The following HDAC9 variants were observed in gnomAD, a reference collection of about 807,000 sequenced individuals.
The protein encoded by HDAC9 is histone deacetylase 9.
HDAC9 carries 41 observed loss-of-function variants against 139.4 expected under a neutral mutation model. The ratio of observed to expected loss-of-function variants is 0.29; its 90% confidence interval spans 0.23 to 0.38. HDAC9 has a LOEUF of 0.38. Among genes scored for constraint, HDAC9 ranks in the 10% least tolerant of loss-of-function variants. The pLI is 1.00. For synonymous variants in HDAC9, 517 were observed against 476.2 expected, an observed-to-expected ratio of 1.09 and a Z score of -1.12; for missense variants, 1,147 against 1,297.0, an observed-to-expected ratio of 0.88 and a Z score of 1.78.
chr7:18,776,309 T>A (rs761187660), intron 16 of HDAC9, among the ~76,000 whole-genome samples: 2 of 151,994 alleles, frequency 1.3e-5, no homozygotes, highest in Non-Finnish European at 2.9e-5. Context: ...TAATAGCAAA[T>A]GTGGAAGAAG....
At chr7:18,964,139 A>T (rs1252011179) in intron 24 of HDAC9, among the ~76,000 whole-genome samples, 2 of 152,170 alleles carry the variant, frequency 1.3e-5, no homozygotes, top group Non-Finnish European at 2.9e-5. Context: ...ACTTACAATT[A>T]CCAAACCTAA....
At chr7:18,670,437 T>C (rs1168596149) in intron 12 of HDAC9, among the ~76,000 whole-genome samples, 1 of 152,096 alleles carries the variant, frequency 6.6e-6, no homozygotes, top group East Asian at 1.9e-4. Flanking sequence ...CTATAAACTG[T>C]GTTTAGGCAA....
intron 24 of HDAC9, among the ~76,000 whole-genome samples, chr7:18,961,729 T>A (rs1783540746): frequency 6.6e-6 from 1 of 152,160 alleles, no homozygotes; most frequent in African/African-American, 2.4e-5. Flanking sequence ...CCCTGTAAAG[T>A]AGTTACTATT....
At chr7:18,878,121 C>T (rs1799458079) in intron 22 of HDAC9, among the ~76,000 whole-genome samples, 1 of 152,154 alleles carries the variant, frequency 6.6e-6, no homozygotes, top group Non-Finnish European at 1.5e-5. Context: ...CAACTAAGTG[C>T]TGTATTCAAA....
At chr7:18,699,560 A>T (rs1168656140) in intron 12 of HDAC9, among the ~76,000 whole-genome samples, 1 of 152,220 alleles carries the variant, frequency 6.6e-6, no homozygotes, top group South Asian at 2.1e-4. Context: ...TGTATATCAT[A>T]CAATTCCATC....
At chr7:18,922,658 T>A (rs1308526975) in intron 22 of HDAC9, among the ~76,000 whole-genome samples, 1 of 152,088 alleles carries the variant, frequency 6.6e-6, no homozygotes, top group Non-Finnish European at 1.5e-5. Context: ...CTGACACTTA[T>A]ATTTGACCCT....
chr7:18,760,321 T>A (rs1378177654), intron 14 of HDAC9, among the ~76,000 whole-genome samples: 1 of 152,160 alleles, frequency 6.6e-6, no homozygotes, highest in Admixed American at 6.5e-5. Context: ...TAATGTTGCC[T>A]TCGAATTTTC....
In HDAC9 at chr7:18,227,425, A is replaced by G. The variant is rs945401628; in HGVS notation, c.25+65076A>G. On this transcript the variant is annotated intron_variant, in intron 2 of 12. Coordinates refer to the HDAC9 transcript ENST00000417496. ...AAAGTTTAAGTTCATTTTTGGGAAG[A>G]CACATTTCCATTGACATTGAACTTG... Among the ~76,000 whole-genome samples the G allele has an allele frequency of 3.9e-5, 6 of 152,326 alleles. No homozygotes were observed. In the South Asian group the frequency reaches 8.3e-4, roughly 21 times the overall value.
intron 2 of HDAC9, among the ~76,000 whole-genome samples, chr7:18,172,924 T>G (rs1332216614): frequency 2.0e-5 from 3 of 152,222 alleles, no homozygotes; most frequent in African/African-American, 7.2e-5. Flanking sequence ...GAATGTATAT[T>G]CTGTTGATTT....
At chr7:18,792,961 C>G (rs1792458572) in intron 16 of HDAC9, among the ~76,000 whole-genome samples, 3 of 152,106 alleles carry the variant, frequency 2.0e-5, no homozygotes, top group Admixed American at 1.3e-4. Flanking sequence ...ACTAAGTGCT[C>G]TTAGTTTTTA....
chr7:18,760,402 T>C (rs992721438), intron 14 of HDAC9, among the ~76,000 whole-genome samples: 6 of 152,166 alleles, frequency 3.9e-5, no homozygotes, highest in Admixed American at 3.9e-4. Context: ...AACTTTCCGA[T>C]ATTGAATGTT....
chr7:18,119,195 G>T (rs1182076416), intron 1 of HDAC9, among the ~76,000 whole-genome samples: 1 of 152,102 alleles, frequency 6.6e-6, no homozygotes, highest in East Asian at 1.9e-4. Context: ...TAACAGAAAA[G>T]ATGCTATATC....
At chr7:18,936,557 T>C (rs1781648713) in intron 23 of HDAC9, among the ~76,000 whole-genome samples, 1 of 152,208 alleles carries the variant, frequency 6.6e-6, no homozygotes, top group Admixed American at 6.5e-5. Context: ...TCAGATCCAA[T>C]TGCTATGAGG....
At chr7:18,347,266 A>G (rs892487091) in intron 1 of HDAC9, among the ~76,000 whole-genome samples, 3 of 152,210 alleles carry the variant, frequency 2.0e-5, no homozygotes, top group African/African-American at 7.2e-5. Context: ...CTTAGCAGAA[A>G]GTGAAGGAAA....
At chr7:18,152,531 GC>G (rs1360731111) in intron 1 of HDAC9, among the ~76,000 whole-genome samples, 1 of 152,102 alleles carries the variant, frequency 6.6e-6, no homozygotes, top group Non-Finnish European at 1.5e-5. Context: ...CTGTTTCTGG[GC>G]CCTTGTCCTA....
At chr7:18,567,162 G>A (rs1295017105) in intron 2 of HDAC9, among the ~76,000 whole-genome samples, 2 of 152,090 alleles carry the variant, frequency 1.3e-5, no homozygotes, top group East Asian at 3.9e-4. Context: ...AATTTATCTC[G>A]AGGGGAATAA....
chr7:18,159,744 A>G (rs112354543), intron 1 of HDAC9, among the ~76,000 whole-genome samples: 9 of 152,334 alleles, frequency 5.9e-5, no homozygotes, highest in African/African-American at 1.4e-4. Context: ...TGGAAATGCA[A>G]TAAATGGAAA....
intron 1 of HDAC9, among the ~76,000 whole-genome samples, chr7:18,343,824 A>G (rs1182278255): frequency 2.6e-5 from 4 of 151,882 alleles, no homozygotes; most frequent in Non-Finnish European, 4.4e-5. Context: ...ATATGTATTT[A>G]CTTCTAACAA....
intron 16 of HDAC9, among the ~76,000 whole-genome samples, chr7:18,775,279 G>A (rs1790662399): frequency 6.6e-6 from 1 of 152,032 alleles, no homozygotes; most frequent in South Asian, 2.1e-4. Flanking sequence ...ACAGAGACAG[G>A]AAGTGAGCAC....
Sources: gnomAD v4.1 joint callset for allele counts (sites outside exome capture counted in the v4.1 genomes callset) on GRCh38, gnomAD v4.1.1 for gene constraint, MANE v1.5 for transcripts, NCBI Gene and HGNC (gene_info 2026-07-23, HGNC 2026-07-21) for gene names.